The following EBF4 variants were observed in gnomAD, a reference collection of about 807,000 sequenced individuals.
EBF4 encodes transcription factor COE4.
A neutral mutation model predicts 67.1 loss-of-function variants in EBF4; 34 were observed. The ratio of observed to expected loss-of-function variants is 0.51; its 90% CI spans 0.39 to 0.67. The LOEUF is 0.67. Among genes scored for constraint, EBF4 ranks in the 30% least tolerant of loss-of-function variants. EBF4 has a pLI of 0.00. For missense variants in EBF4, 837 were observed against 873.3 expected (o/e 0.96, Z 0.52); for synonymous variants, 387 against 377.7 (o/e 1.02, Z -0.29).
intron 6 of EBF4, among the ~76,000 whole-genome samples, chr20:2,715,267 A>G (rs73892655): frequency 0.045 from 6,909 of 152,304 alleles, 506 homozygotes; most frequent in African/African-American, 0.15. Flanking sequence ...TTTATAAAAA[A>G]AAATGATACC....
intron 15 of EBF4, among the ~76,000 whole-genome samples, chr20:2,757,897 A>C (rs1283660777): frequency 6.6e-6 from 1 of 152,232 alleles, no homozygotes; most frequent in Non-Finnish European, 1.5e-5. Context: ...CAGTAAGCTG[A>C]GATTGCACCA....
At chr20:2,693,542 T>C (rs1357764864), upstream of EBF4, 1 of 1,268,210 alleles carries the variant, frequency 7.9e-7, no homozygotes, top group Non-Finnish European at 1.0e-6. This position sits in a 1 kb window ranked among gnomAD's most constrained non-coding sequence, Gnocchi z 4.6. Flanking sequence ...GGCGCTGCGC[T>C]GCTGGAGGCG....
Position 2,705,763 on chromosome 20 carries a change from G to A in EBF4, c.294+30G>A, listed in dbSNP as rs945847650. The A allele has an allele frequency of 7.2e-6, 11 of 1,529,008 alleles. No individual in the cohort carries two copies. The Admixed American group carries it at 1.6e-4, about 22-fold the overall frequency. The allele number at this position is 1,529,008 out of a possible 1,614,324, so 94.7% of individuals were successfully genotyped here. On this transcript the variant is annotated intron_variant, in intron 2 of 16. Transcript: ENST00000609451. ...GAGGCTCATGGGCTTGGCTGGGACT[G>A]GCCCCGGGAGGGAACCCCCAACCAC...
At chr20:2,744,684 G>GT (rs894197515) in intron 6 of EBF4, among the ~76,000 whole-genome samples, 19 of 151,472 alleles carry the variant, frequency 1.3e-4, no homozygotes, top group Non-Finnish European at 2.1e-4. Context: ...TAGAGATGGA[G>GT]TTTCGCAGCA....
rs778840182 is a variant in EBF4, at chr20:2,744,487, C to CTTTTTTTT, written c.558-4058_558-4057insTTTTTTTT. On this transcript the variant is annotated intron_variant, in intron 6 of 16. Coordinates refer to ENST00000609451, the Ensembl canonical transcript of EBF4. ...TTTTTCTTTTCTTTTTTCTTTTTTT[C>CTTTTTTTT]TTTTCTTTTTTTTTTTTTTTTTGAG... 5.6e-4 allele frequency among the ~76,000 whole-genome samples: 62 copies of CTTTTTTTT among 111,456 alleles called. 4 individuals are homozygous for CTTTTTTTT. The highest frequency in any genetic ancestry group is 5.9e-4 in the African/African-American group (15 of 25,462). The allele number at this position is 111,456 out of a possible 152,430, so 73.1% of individuals were successfully genotyped here.
At chr20:2,732,212 C>G (rs1206057844) in intron 6 of EBF4, among the ~76,000 whole-genome samples, 1 of 152,092 alleles carries the variant, frequency 6.6e-6, no homozygotes, top group East Asian at 1.9e-4. Flanking sequence ...CCTCAACCTC[C>G]CAAGCTCAGC....
At chr20:2,714,276 C>CTCCT (rs752211201) in intron 6 of EBF4, among the ~76,000 whole-genome samples, 90 of 151,416 alleles carry the variant, frequency 5.9e-4, no homozygotes, top group East Asian at 5.5e-3. Flanking sequence ...TTTTTCTTTT[C>CTCCT]TCCTTCCTTC....
At chr20:2,743,627 G>A (rs1483014800) in intron 6 of EBF4, among the ~76,000 whole-genome samples, 2 of 152,166 alleles carry the variant, frequency 1.3e-5, no homozygotes, top group African/African-American at 4.8e-5. Flanking sequence ...TGAGGGGAGG[G>A]AGGGAGAGGC....
intron 6 of EBF4, among the ~76,000 whole-genome samples, chr20:2,742,826 G>A (rs2087987742): frequency 6.6e-6 from 1 of 152,154 alleles, no homozygotes; most frequent in Admixed American, 6.5e-5. Context: ...AGAGGTGGGG[G>A]GTGGTTCCAT....
At position 2,758,950 on chromosome 20, in the gene EBF4, C is replaced by T. The variant is rs377714631; in HGVS notation, c.1780C>T (p.Arg594Trp). Residue 594 changes from arginine (R) to tryptophan (W), a missense_variant, in exon 16 of 17, where the codon CGG (arginine) becomes TGG (tryptophan). Arg to Trp is a moderately radical substitution (Grantham distance 101). This residue lies in a region of EBF4 where 525 missense variants were observed against 496.5 expected (regional missense o/e 1.06). Transcript: ENST00000609451. ...TTCTGACAAGTTTCACTCTCCAGCC[C>T]GGGGGCTTCAGGGCCTGGCATACTC... The T allele has an allele frequency of 3.4e-5, 52 of 1,551,670 alleles. No homozygotes were observed. Among genetic ancestry groups the T allele is most frequent in the Non-Finnish European group, 4.2e-5 (48 of 1,147,008 alleles).
chr20:2,744,075 ATT>A (rs370848824), intron 6 of EBF4, among the ~76,000 whole-genome samples: 22,658 of 102,304 alleles, frequency 0.22, 1,967 homozygotes, highest in African/African-American at 0.39. Flanking sequence ...GTTTTTATTT[ATT>A]TTTTTTATTT....
intron 6 of EBF4, among the ~76,000 whole-genome samples, chr20:2,729,650 G>A (rs1348040874): frequency 6.6e-6 from 1 of 152,144 alleles, no homozygotes; most frequent in Non-Finnish European, 1.5e-5. Context: ...TGAGCTCAAG[G>A]ACAGTCTATG....
At position 2,724,915 on chromosome 20, in the gene EBF4, A is replaced by G. The variant is rs114486716; in HGVS notation, c.557+15273A>G. 2.4e-3 allele frequency among the ~76,000 whole-genome samples: 366 copies of G among 152,334 alleles called. 2 individuals carry two copies. The highest frequency in any genetic ancestry group is 8.3e-3 in the African/African-American group (344 of 41,580). ...TGAGATCCTTTCTCAAAAAAGAAAA[A>G]GAAAAGTTCAGCATAATTGTCATTC... On this transcript the variant is annotated intron_variant, in intron 6 of 16. Coordinates refer to ENST00000609451, the Ensembl canonical transcript of EBF4.
In EBF4 at chr20:2,758,355, T is replaced by A. The variant is rs114429082; in HGVS notation, c.1739-554T>A. On this transcript the variant is annotated intron_variant, in intron 15 of 16. Coordinates refer to ENST00000609451, the Ensembl canonical transcript of EBF4. ...TGGCTTTGAAAGGATACACAGTCAC[T>A]TTTTTTGCCTTATTTCCAAGTTTTG... Among the ~76,000 whole-genome samples, 607 of 152,296 alleles carry A rather than the reference T, an allele frequency of 4.0e-3. 5 individuals are homozygous for A. Among genetic ancestry groups the A allele is most frequent in the African/African-American group, 0.014 (563 of 41,564 alleles).
chr20:2,703,597 G>A (rs1476027085), intron 1 of EBF4, among the ~76,000 whole-genome samples: 2 of 151,682 alleles, frequency 1.3e-5, no homozygotes, highest in African/African-American at 2.4e-5. Context: ...TTAGTAGGTC[G>A]AAGCTGCAGT....
intron 6 of EBF4, among the ~76,000 whole-genome samples, chr20:2,728,645 C>G (rs1462238978): frequency 6.6e-6 from 1 of 151,308 alleles, no homozygotes; most frequent in Non-Finnish European, 1.5e-5. Context: ...CTCTCAAATC[C>G]CCCATCCAGG....
chr20:2,743,310 G>T (rs1343560450), intron 6 of EBF4, among the ~76,000 whole-genome samples: 1 of 152,146 alleles, frequency 6.6e-6, no homozygotes, highest in Non-Finnish European at 1.5e-5. Context: ...CCGGAGGGTC[G>T]GCAGTCTCTC....
chr20:2,749,437 G>C (rs1408734438), exon 8 of EBF4: 1 of 1,547,650 alleles, frequency 6.5e-7, no homozygotes, highest in Admixed American at 2.0e-5. Flanking sequence ...GGACGGACAC[G>C]TGCTGGCCGT....
chr20:2,702,876 C>T (rs2087396224), intron 1 of EBF4, among the ~76,000 whole-genome samples: 1 of 152,114 alleles, frequency 6.6e-6, no homozygotes, highest in African/African-American at 2.4e-5. Context: ...TCCTTTCCCC[C>T]ATAGCATCTT....
Sources: allele counts gnomAD v4.1 joint callset (sites outside exome capture counted in the v4.1 genomes callset), GRCh38; gene constraint gnomAD v4.1.1; regional missense constraint gnomAD v4.1.1; non-coding constraint Gnocchi (gnomAD v3.1); transcripts MANE v1.5; gene names NCBI Gene and HGNC (gene_info 2026-07-23, HGNC 2026-07-21).